The following ARHGAP42 variants were observed in gnomAD, a reference collection of about 807,000 sequenced individuals.
The protein encoded by ARHGAP42 is rho GTPase-activating protein 42.
A neutral mutation model predicts 125.0 loss-of-function variants in ARHGAP42; 63 were observed. The observed-to-expected ratio is 0.50, with a 90% CI of 0.41 to 0.62. The LOEUF is 0.62. ARHGAP42 is among the 20% of genes least tolerant of loss of function. The pLI, the probability that ARHGAP42 is intolerant of heterozygous loss-of-function variation, is 0.00. For missense variants in ARHGAP42, 766 were observed against 1,024.2 expected (o/e 0.75, Z 3.44); for synonymous variants, 339 against 351.0 (o/e 0.97, Z 0.38).
At chr11:100,825,698 A>G (rs1864501102) in intron 3 of ARHGAP42, among the ~76,000 whole-genome samples, 1 of 152,054 alleles carries the variant, frequency 6.6e-6, no homozygotes, top group South Asian at 2.1e-4. Flanking sequence ...TGCTCCTTAA[A>G]TCTGCTTCAA....
At chr11:100,689,646 A>G (rs1861152910) in intron 1 of ARHGAP42, among the ~76,000 whole-genome samples, 2 of 152,206 alleles carry the variant, frequency 1.3e-5, no homozygotes, top group South Asian at 4.1e-4. Flanking sequence ...GGCTCTTTGA[A>G]GATATAGGCC....
rs139222445 is a variant in ARHGAP42 at position 100,836,747 on chromosome 11, TTAAC to T, written c.313-22803_313-22800del. Among the ~76,000 whole-genome samples, 300 of 132,706 alleles carry T rather than the reference TTAAC, an allele frequency of 2.3e-3. 1 individual carries two copies. Among genetic ancestry groups the T allele is most frequent in the African/African-American group, 7.4e-3 (280 of 37,830 alleles). The allele number at this position is 132,706 out of a possible 152,430, so 87.1% of individuals were successfully genotyped here. A position where few individuals can be genotyped will look rare whatever the true frequency, so the allele number is the denominator to read the frequency against. On this transcript the variant is annotated intron_variant, in intron 3 of 23. Transcript: ENST00000298815. ...GTTGTTTTCTTTTTTTTTTTTTTGG[TTAAC>T]TAAATGAAAGACCTCAAAATATACA...
chr11:100,829,367 A>AAG (rs1864608100), intron 3 of ARHGAP42, among the ~76,000 whole-genome samples: 2 of 152,212 alleles, frequency 1.3e-5, no homozygotes, highest in African/African-American at 4.8e-5. Flanking sequence ...CTTCAAAAAA[A>AAG]AAAAAAAGAC....
At chr11:100,954,713 A>G (rs1357049284) in intron 12 of ARHGAP42, among the ~76,000 whole-genome samples, 1 of 152,132 alleles carries the variant, frequency 6.6e-6, no homozygotes, top group African/African-American at 2.4e-5. Context: ...CAGAGGCCCA[A>G]GAAGATGTCA....
chr11:100,952,656 T>G (rs922906917), intron 12 of ARHGAP42, among the ~76,000 whole-genome samples: 2 of 152,014 alleles, frequency 1.3e-5, no homozygotes, highest in Non-Finnish European at 2.9e-5. Flanking sequence ...AGGCACAGGA[T>G]TGGACTCACT....
chr11:100,737,895 T>C (rs1670758692), intron 1 of ARHGAP42, among the ~76,000 whole-genome samples: 1 of 152,190 alleles, frequency 6.6e-6, no homozygotes, highest in African/African-American at 2.4e-5. Context: ...ATCAATCCCC[T>C]CTCATTCCTC....
intron 2 of ARHGAP42, among the ~76,000 whole-genome samples, chr11:100,779,546 A>ATACACG (rs1863236025): frequency 7.0e-6 from 1 of 142,026 alleles, no homozygotes; most frequent in Non-Finnish European, 1.5e-5. Flanking sequence ...ATACGTATAT[A>ATACACG]TATACATATA....
chr11:100,768,430 A>G (rs1408502694), intron 1 of ARHGAP42, among the ~76,000 whole-genome samples: 3 of 152,168 alleles, frequency 2.0e-5, no homozygotes, highest in African/African-American at 4.8e-5. Context: ...CCTTGCTAAA[A>G]CTAGGCTCTG....
At chr11:100,845,076 G>GATATAT (rs148986702) in intron 3 of ARHGAP42, among the ~76,000 whole-genome samples, 142 of 148,502 alleles carry the variant, frequency 9.6e-4, no homozygotes, top group Admixed American at 4.1e-3. Context: ...AAGAAACTGT[G>GATATAT]ATATATATAT....
At chr11:100,806,555 C>T (rs986640758) in intron 3 of ARHGAP42, among the ~76,000 whole-genome samples, 2 of 151,474 alleles carry the variant, frequency 1.3e-5, no homozygotes, top group Non-Finnish European at 2.9e-5. Context: ...GGTATGTTGG[C>T]CTCCATAGCA....
chr11:100,721,529 G>C (rs1298836730), intron 1 of ARHGAP42, among the ~76,000 whole-genome samples: 2 of 151,210 alleles, frequency 1.3e-5, no homozygotes, highest in Non-Finnish European at 2.9e-5. Context: ...CTGGAGTGCA[G>C]TGTCGTGATC....
intron 1 of ARHGAP42, among the ~76,000 whole-genome samples, chr11:100,762,516 G>A (rs1406259050): frequency 2.0e-5 from 3 of 152,088 alleles, no homozygotes; most frequent in South Asian, 2.1e-4. Flanking sequence ...CTCAACTCTC[G>A]TTTATTGAGT....
At chr11:100,733,460 A>G (rs1291957848) in intron 1 of ARHGAP42, among the ~76,000 whole-genome samples, 1 of 152,210 alleles carries the variant, frequency 6.6e-6, no homozygotes, top group African/African-American at 2.4e-5. Flanking sequence ...ATTGATTGCT[A>G]GTGAGATCCC....
intron 1 of ARHGAP42, among the ~76,000 whole-genome samples, chr11:100,761,943 G>C (rs1343363347): frequency 1.3e-5 from 2 of 152,234 alleles, no homozygotes; most frequent in East Asian, 3.8e-4. Flanking sequence ...TTACGATTCA[G>C]AGGGGCTAAG....
At chr11:100,706,932 CTG>C (rs1861489708) in intron 1 of ARHGAP42, among the ~76,000 whole-genome samples, 1 of 152,316 alleles carries the variant, frequency 6.6e-6, no homozygotes, top group East Asian at 1.9e-4. Flanking sequence ...CCCCTGGAAA[CTG>C]TTACCAATAT....
chr11:100,941,878 GA>G lies in ARHGAP42; in HGVS notation c.931del (p.Met311Ter). ...GTGTTTCAGAAATGAAATCCAGTGG[GA>G]AAATGGTGAGTTAGTTTTGTTTTCT... is the stretch of plus-strand genomic sequence containing the variant. The part of the protein sequence containing the change: ...MSVSEMKSSG[K>X]MNGLVTSSPE... On this transcript the variant is annotated frameshift_variant, in exon 9 of 24. Transcript: ENST00000298815. LOFTEE classifies it high-confidence loss of function. 3 of 1,524,548 alleles carry G rather than the reference GA, an allele frequency of 2.0e-6. No individual in the cohort carries two copies. The highest frequency in any genetic ancestry group is 2.6e-6 in the Non-Finnish European group (3 of 1,133,664). The allele number at this position is 1,524,548 out of a possible 1,614,324, so 94.4% of individuals were successfully genotyped here. A position where few individuals can be genotyped will look rare whatever the true frequency, so the allele number is the denominator to read the frequency against.
chr11:100,783,234 G>A (rs1352852583), intron 2 of ARHGAP42, among the ~76,000 whole-genome samples: 1 of 152,116 alleles, frequency 6.6e-6, no homozygotes, highest in Non-Finnish European at 1.5e-5. Flanking sequence ...CCAGGAGTTC[G>A]AGACCAGCCT....
At chr11:100,707,849 G>C (rs571939120) in intron 1 of ARHGAP42, among the ~76,000 whole-genome samples, 16 of 152,310 alleles carry the variant, frequency 1.1e-4, no homozygotes, top group African/African-American at 3.9e-4. Context: ...GTTAGTAGGT[G>C]CCATGTGTAG....
rs1565296522 is a variant in ARHGAP42, at chr11:100,962,290, G to A, written c.1386-119G>A. On this transcript the variant is annotated intron_variant, in intron 15 of 23. Coordinates refer to ENST00000298815, the MANE Select transcript of ARHGAP42 (RefSeq NM_152432.4). ...CCAATTCTTTTATTTACTTATTTAT[G>A]TGTTATTTTATTTTTAATTGATGAA... The A allele has an allele frequency of 6.4e-6, 5 of 786,874 alleles. No individual in the cohort carries two copies. In the South Asian group the frequency reaches 8.0e-5, roughly 13 times the overall value. 48.7% of individuals were successfully genotyped at this position (786,874 alleles called of 1,614,324 possible).
Sources: gnomAD v4.1 joint callset for allele counts (sites outside exome capture counted in the v4.1 genomes callset) on GRCh38, gnomAD v4.1.1 for gene constraint, MANE v1.5 for transcripts, NCBI Gene and HGNC (gene_info 2026-07-23, HGNC 2026-07-21) for gene names.